Variants in HELZ observed in about 807,000 individuals in gnomAD.
HELZ encodes the protein ATP-dependent RNA helicase with zinc finger domain.
In HELZ, 23 loss-of-function variants were observed where a neutral mutation model predicts 218.2. That is an observed-to-expected ratio of 0.11 (90% CI 0.08 to 0.15). HELZ has a LOEUF of 0.15. HELZ is among the 10% of genes least tolerant of loss of function. HELZ has a pLI of 1.00. For synonymous variants in HELZ, 814 were observed against 829.4 expected, an observed-to-expected ratio of 0.98 and a Z score of 0.32; for missense variants, 1,813 against 2,353.7, an observed-to-expected ratio of 0.77 and a Z score of 4.75.
rs369492571 is a variant in HELZ, at chr17:67,108,579, G to A, written c.4637C>T (p.Pro1546Leu). 31 of 1,613,968 alleles carry A rather than the reference G, an allele frequency of 1.9e-5. No individual in the cohort carries two copies. The highest frequency in any genetic ancestry group is 1.6e-4 in the Middle Eastern group (1 of 6,084). The change falls in exon 30 of 33, where the codon CCG (proline) becomes CTG (leucine). Residue 1546 changes from proline to leucine, a missense_variant. Physicochemically the swap from Pro to Leu is moderately conservative, Grantham distance 98. Transcript: ENST00000358691. This position sits in a 1 kb window ranked among gnomAD's most constrained non-coding sequence, Gnocchi z 4.1. ...TGGCGGCTGATGTAATCCCAGGGGC[G>A]GCTGAGGAAGATGCTGGAGGTGAGG... ...HHPHLQHLPQ[P>L]PLGLHQPPVR... is the part of the protein sequence containing the mutation.
rs1262990955 is a variant in HELZ at position 67,071,844 on chromosome 17, G to C, written c.*6408C>G. On this transcript the variant is annotated 3_prime_UTR_variant, in exon 33 of 33. Transcript: ENST00000358691. ...CTAGGCTGTTTTGCAAACACATATAGATTTTTTTAAAGGTAGCAAAGTAAT... is the reference window on the plus strand; with the variant it reads ...CTAGGCTGTTTTGCAAACACATATACATTTTTTTAAAGGTAGCAAAGTAAT... 4.6e-5 allele frequency: 7 copies of C among 152,490 alleles called. No individual in the cohort carries two copies. Among genetic ancestry groups the C allele is most frequent in the African/African-American group, 1.7e-4 (7 of 41,404 alleles). The allele number at this position is 152,490 out of a possible 1,614,324, so 9.4% of individuals were successfully genotyped here.
rs1184787726 is a variant in HELZ at position 67,072,286 on chromosome 17, A to G, written c.*5966T>C. 1.3e-5 allele frequency: 2 copies of G among 152,654 alleles called. No individual in the cohort carries two copies. The highest frequency in any genetic ancestry group is 2.9e-5 in the Non-Finnish European group (2 of 68,220). The allele number at this position is 152,654 out of a possible 1,614,324, so 9.5% of individuals were successfully genotyped here. A position where few individuals can be genotyped will look rare whatever the true frequency, so the allele number is the denominator to read the frequency against. ...GGGAGGCGGAGGTTGCAGTGAGCCG[A>G]GATCATGCCACTGTACTCCAGCCAG... On this transcript the variant is annotated 3_prime_UTR_variant, in exon 33 of 33. Transcript: ENST00000358691.
intron 21 of HELZ, among the ~76,000 whole-genome samples, chr17:67,142,591 T>C (rs2143985973): frequency 6.6e-6 from 1 of 152,184 alleles, no homozygotes. Flanking sequence ...CTATAGAATA[T>C]GCACTTTAGA....
intron 15 of HELZ, 138 bp downstream of exon 15, chr17:67,166,340 T>TGA (rs2039143526): frequency 3.3e-6 from 2 of 601,556 alleles, no homozygotes; most frequent in African/African-American, 3.7e-5. Context: ...TAAGTGTTCT[T>TGA]TTACTCTCCT....
chr17:67,092,328 T>C (rs888558869), intron 31 of HELZ, among the ~76,000 whole-genome samples: 1 of 151,982 alleles, frequency 6.6e-6, no homozygotes, highest in African/African-American at 2.4e-5. Flanking sequence ...AAGAATGAAA[T>C]TATAGCTACC....
At chr17:67,107,790 T>A in intron 30 of HELZ, 105 bp from the exon 31 acceptor site, 1 of 964,348 alleles carries the variant, frequency 1.0e-6, no homozygotes, top group Non-Finnish European at 1.5e-6. Flanking sequence ...ATCATAGTAC[T>A]AATAACTAGA....
intron 4 of HELZ, 91 bp downstream of exon 4, chr17:67,218,504 G>A: frequency 1.0e-6 from 1 of 956,186 alleles, no homozygotes; most frequent in East Asian, 2.4e-5. Context: ...ACATCTCTTT[G>A]GCCCAGAATT....
Position 67,108,764 on chromosome 17 carries a change from G to GGA in HELZ, c.4490-39_4490-38insTC, listed in dbSNP as rs1378112918. 2 of 1,439,066 alleles carry GGA rather than the reference G, an allele frequency of 1.4e-6. No homozygotes were observed. Among genetic ancestry groups the GGA allele is most frequent in the Non-Finnish European group, 1.9e-6 (2 of 1,055,310 alleles). 89.1% of individuals were successfully genotyped at this position (1,439,066 alleles called of 1,614,324 possible). A position where few individuals can be genotyped will look rare whatever the true frequency, so the allele number is the denominator to read the frequency against. On this transcript the variant is annotated intron_variant, in intron 29 of 32. Transcript: ENST00000358691. The surrounding 1 kb of genome is among the most constrained non-coding windows in gnomAD (Gnocchi z 4.1). ...TTGTGAAAAATTTTTTATGAATTTG[G>GGA]GGTTTCAAGTTCATTATTTAAAGTT...
chr17:67,098,695 GACTGCACC>G (rs2036828524), intron 31 of HELZ, among the ~76,000 whole-genome samples: 2 of 152,124 alleles, frequency 1.3e-5, no homozygotes, highest in South Asian at 4.1e-4. Context: ...AGTGAGCCGA[GACTGCACC>G]ACTGCACTCC....
At chr17:67,200,183 C>A (rs2040133379) in intron 7 of HELZ, among the ~76,000 whole-genome samples, 1 of 152,050 alleles carries the variant, frequency 6.6e-6, no homozygotes. Flanking sequence ...CAAAAGCTGA[C>A]AAAATGGCTA....
chr17:67,166,548 T>C lies in HELZ; in HGVS notation c.1825A>G (p.Arg609Gly), dbSNP rs757009258. 5.0e-6 allele frequency: 8 copies of C among 1,612,904 alleles called. No homozygotes were observed. Among genetic ancestry groups the C allele is most frequent in the Non-Finnish European group, 8.5e-7 (1 of 1,179,026 alleles). ...PLCEMHYALD[R>G]IKDNGVLFPD... ...AACAAAACCCCATTGTCCTTGATCC[T>C]GTCTAGTGCATAGTGCATTTCACAG... is the stretch of plus-strand genomic sequence containing the variant. The change falls in exon 15 of 33, where the codon AGG becomes GGG. Residue 609 changes from arginine (R) to glycine (G), a missense_variant. This residue lies in a region of HELZ where 714 missense variants were observed against 1,029.2 expected (regional missense o/e 0.69). Coordinates refer to ENST00000358691, the MANE Select transcript of HELZ (RefSeq NM_014877.4).
chr17:67,159,673 T>C (rs377417185), intron 17 of HELZ, among the ~76,000 whole-genome samples: 1 of 152,308 alleles, frequency 6.6e-6, no homozygotes, highest in African/African-American at 2.4e-5. Context: ...TATATTTAAG[T>C]ACATTTCATG....
chr17:67,187,892 C>T (rs1008567547), intron 12 of HELZ, among the ~76,000 whole-genome samples: 2 of 152,176 alleles, frequency 1.3e-5, no homozygotes. Flanking sequence ...CAAGACTTTT[C>T]ATTCAGAAAC....
chr17:67,218,320 A>T (rs762516468), intron 4 of HELZ, among the ~76,000 whole-genome samples: 40 of 152,316 alleles, frequency 2.6e-4, no homozygotes, highest in Non-Finnish European at 4.7e-4. Context: ...TTTCTCTTTC[A>T]TCAATATATA....
At chr17:67,175,536 T>C (rs1180431728) in intron 13 of HELZ, among the ~76,000 whole-genome samples, 3 of 152,242 alleles carry the variant, frequency 2.0e-5, no homozygotes, top group Non-Finnish European at 2.9e-5. Context: ...TCACAGACTT[T>C]TGAAAATCTT....
At chr17:67,244,702 A>G in intron 1 of HELZ, 1 of 984,458 alleles carries the variant, frequency 1.0e-6, no homozygotes, top group Non-Finnish European at 1.2e-6. Flanking sequence ...CACCCGGTGG[A>G]AGTCCGAGGC....
At chr17:67,218,965 G>T (rs2040676365) in intron 3 of HELZ, 143 bp from the exon 4 acceptor site, 2 of 604,128 alleles carry the variant, frequency 3.3e-6, no homozygotes, top group Admixed American at 5.9e-5. Context: ...CTAAGCAGCA[G>T]CTATTGATGC....
chr17:67,209,561 G>T (rs186746273), intron 5 of HELZ, among the ~76,000 whole-genome samples: 33 of 152,294 alleles, frequency 2.2e-4, no homozygotes, highest in Non-Finnish European at 7.4e-5. Context: ...TCACACCATT[G>T]TATTCCAGCC....
chr17:67,088,424 G>C (rs1026293087), intron 31 of HELZ, among the ~76,000 whole-genome samples: 3 of 152,182 alleles, frequency 2.0e-5, no homozygotes, highest in Non-Finnish European at 4.4e-5. Context: ...ATATAAAATA[G>C]CACAAGCAGA....
Sources: gnomAD v4.1 joint callset for allele counts (sites outside exome capture counted in the v4.1 genomes callset) on GRCh38, gnomAD v4.1.1 for gene constraint, gnomAD v4.1.1 regional missense constraint, Gnocchi (gnomAD v3.1) non-coding constraint, MANE v1.5 for transcripts, NCBI Gene and HGNC (gene_info 2026-07-23, HGNC 2026-07-21) for gene names.